ABI2: variants seen among roughly 807,000 people sequenced by gnomAD.
ABI2 encodes the protein abl interactor 2.
In ABI2, 25 loss-of-function variants were observed where a neutral mutation model predicts 59.2. The observed-to-expected ratio is 0.42, with a 90% CI of 0.31 to 0.59. The LOEUF (loss-of-function observed/expected upper bound fraction) is 0.59. Among genes scored for constraint, ABI2 ranks in the 20% least tolerant of loss-of-function variants. The pLI, the probability that ABI2 is intolerant of heterozygous loss-of-function variation, is 0.14. For synonymous variants in ABI2, 213 were observed against 235.5 expected, an observed-to-expected ratio of 0.90 and a Z score of 0.87; for missense variants, 545 against 681.8, an observed-to-expected ratio of 0.80 and a Z score of 2.23.
intron 2 of ABI2, among the ~76,000 whole-genome samples, chr2:203,367,578 A>G (rs2094578011): frequency 6.6e-6 from 1 of 152,134 alleles, no homozygotes; most frequent in Non-Finnish European, 1.5e-5. Context: ...TCTTCATTAT[A>G]AAAGCCATAC....
chr2:203,378,700 G>T (rs1447820725), intron 2 of ABI2, among the ~76,000 whole-genome samples: 1 of 152,152 alleles, frequency 6.6e-6, no homozygotes. Flanking sequence ...TTAGAAAGGG[G>T]AAATTGAAGT....
chr2:203,386,275 G>A (rs2096504916), intron 4 of ABI2, among the ~76,000 whole-genome samples: 1 of 151,806 alleles, frequency 6.6e-6, no homozygotes. Flanking sequence ...TTCTATTTGT[G>A]TGTTTAAATT....
chr2:203,372,981 G>A (rs1327392262), intron 2 of ABI2, among the ~76,000 whole-genome samples: 3 of 151,696 alleles, frequency 2.0e-5, no homozygotes, highest in Non-Finnish European at 4.4e-5. Flanking sequence ...TTTCCAGACT[G>A]GGCAGCCAGG....
intron 11 of ABI2, among the ~76,000 whole-genome samples, chr2:203,418,203 G>C (rs757443806): frequency 6.6e-6 from 1 of 152,180 alleles, no homozygotes; most frequent in African/African-American, 2.4e-5. Flanking sequence ...AAAAAGAGTT[G>C]AAACAATCAT....
In ABI2 at chr2:203,328,451, T is replaced by C. The variant is rs2152145950; in HGVS notation, c.-64T>C. 7.2e-7 allele frequency: 1 copy of C among 1,383,902 alleles called. No individual in the cohort carries two copies. Among genetic ancestry groups the C allele is most frequent in the Non-Finnish European group, 1.0e-6 (1 of 1,002,938 alleles). The allele number at this position is 1,383,902 out of a possible 1,614,324, so 85.7% of individuals were successfully genotyped here. On this transcript the variant is annotated 5_prime_UTR_variant, in exon 1 of 12. Transcript: ENST00000261018. ...CCTCCTCTCCCGGTCCTGGGTTTCC[T>C]TGGCGCTGCGGCCGCCGCTCCCTCT... is the stretch of plus-strand genomic sequence containing the variant.
rs1189673565 is a variant in ABI2 at position 203,432,095 on chromosome 2, T to TTTAA, written c.*4746_*4749dup. On this transcript the variant is annotated 3_prime_UTR_variant, in exon 12 of 12. Transcript: ENST00000261018. ...CCAGATGAGTGGAGGAACATCACTT[T>TTTAA]TTAATTTTTTAATTGTATTTGGAAT... 2.0e-5 allele frequency: 3 copies of TTTAA among 152,222 alleles called. No homozygotes were observed. The highest frequency in any genetic ancestry group is 4.4e-5 in the Non-Finnish European group (3 of 68,042). 9.4% of individuals were successfully genotyped at this position (152,222 alleles called of 1,614,324 possible).
intron 5 of ABI2, among the ~76,000 whole-genome samples, chr2:203,392,298 A>G (rs1194030733): frequency 4.5e-5 from 4 of 88,498 alleles, no homozygotes; most frequent in African/African-American, 1.7e-4. Flanking sequence ...CACCACCACC[A>G]CCACCACCAC....
chr2:203,398,981 T>G (rs2097114094), intron 8 of ABI2, among the ~76,000 whole-genome samples: 1 of 152,204 alleles, frequency 6.6e-6, no homozygotes, highest in Non-Finnish European at 1.5e-5. Flanking sequence ...TAGTTTTGAG[T>G]GCTTATGAAT....
chr2:203,387,058 T>C (rs1196594162), intron 4 of ABI2, among the ~76,000 whole-genome samples: 2 of 55,412 alleles, frequency 3.6e-5, no homozygotes, highest in South Asian at 9.5e-4. Flanking sequence ...CTCCCTTCCT[T>C]TTTTTTTTTT....
chr2:203,374,132 A>G (rs1278649121), intron 2 of ABI2, among the ~76,000 whole-genome samples: 1 of 152,154 alleles, frequency 6.6e-6, no homozygotes, highest in Admixed American at 6.5e-5. Flanking sequence ...GGATTCAAGC[A>G]TGGGCAACAG....
intron 1 of ABI2, among the ~76,000 whole-genome samples, chr2:203,352,733 A>G (rs1009697942): frequency 6.6e-6 from 1 of 152,256 alleles, no homozygotes; most frequent in Non-Finnish European, 1.5e-5. Flanking sequence ...TTAGCGTAGC[A>G]TAAATCTACA....
rs1559249078 is a variant in ABI2, at chr2:203,371,938, TTTA to T, written c.285+4897_285+4899del. Among the ~76,000 whole-genome samples the T allele has an allele frequency of 2.6e-5, 4 of 151,686 alleles. No individual in the cohort carries two copies. The East Asian group carries it at 5.8e-4, about 22-fold the overall frequency. Reference sequence around the variant, plus strand: ...TTTTTATTTTTATTTTATTTATTTATTTATTTTTAATTGATCATTCTTGGGTGT... The same window carrying T: ...TTTTTATTTTTATTTTATTTATTTATTTTTTAATTGATCATTCTTGGGTGT... On this transcript the variant is annotated intron_variant, in intron 2 of 11. Coordinates refer to ENST00000261018, the MANE Select transcript of ABI2 (RefSeq NM_001375670.1).
At chr2:203,344,174 G>C (rs1389447562) in intron 1 of ABI2, among the ~76,000 whole-genome samples, 2 of 152,150 alleles carry the variant, frequency 1.3e-5, no homozygotes, top group African/African-American at 4.8e-5. Context: ...CAACTGTTTA[G>C]AGACAGTCTT....
chr2:203,346,138 A>G (rs2083383805), intron 1 of ABI2, among the ~76,000 whole-genome samples: 1 of 151,844 alleles, frequency 6.6e-6, no homozygotes, highest in South Asian at 2.1e-4. Flanking sequence ...GACAAGAGTG[A>G]AACTCCATCT....
At chr2:203,387,618 A>C (rs1018164985) in intron 4 of ABI2, among the ~76,000 whole-genome samples, 3 of 152,200 alleles carry the variant, frequency 2.0e-5, no homozygotes, top group African/African-American at 7.2e-5. Flanking sequence ...TGCTTCACTT[A>C]GCTCTTGAGG....
At chr2:203,382,822 T>C (rs1421096691) in intron 4 of ABI2, among the ~76,000 whole-genome samples, 1 of 152,136 alleles carries the variant, frequency 6.6e-6, no homozygotes, top group African/African-American at 2.4e-5. Context: ...GTATAAAGAA[T>C]ATATTTCAAT....
chr2:203,346,912 C>A (rs1227934660), intron 1 of ABI2, among the ~76,000 whole-genome samples: 1 of 152,120 alleles, frequency 6.6e-6, no homozygotes, highest in Non-Finnish European at 1.5e-5. Flanking sequence ...TTTGTGCTGC[C>A]CGACTTCATG....
Position 203,328,505 on chromosome 2 carries a change from G to C in ABI2, c.-10G>C. On this transcript the variant is annotated 5_prime_UTR_variant, in exon 1 of 12. Transcript: ENST00000261018. Reference sequence around the variant, plus strand: ...ACCTGTATGAGGAGGAGGAGGAGGAGGATGTGAAGATGGCGGAGCTGCAGA... The same window carrying C: ...ACCTGTATGAGGAGGAGGAGGAGGACGATGTGAAGATGGCGGAGCTGCAGA... The C allele has an allele frequency of 1.3e-6, 2 of 1,594,704 alleles. No individual in the cohort carries two copies. The highest frequency in any genetic ancestry group is 2.3e-5 in the South Asian group (2 of 88,764).
intron 1 of ABI2, among the ~76,000 whole-genome samples, chr2:203,337,335 T>C (rs1575674917): frequency 6.6e-6 from 1 of 152,356 alleles, no homozygotes; most frequent in South Asian, 2.1e-4. Flanking sequence ...AAATCTGTTG[T>C]GTTTCTACAT....
Sources: allele counts gnomAD v4.1 joint callset (sites outside exome capture counted in the v4.1 genomes callset), GRCh38; gene constraint gnomAD v4.1.1; transcripts MANE v1.5; gene names NCBI Gene and HGNC (gene_info 2026-07-23, HGNC 2026-07-21).